NCOA2: variants seen among roughly 807,000 people sequenced by gnomAD.
NCOA2 encodes the protein nuclear receptor coactivator 2.
A neutral mutation model predicts 145.1 loss-of-function variants in NCOA2; 21 were observed. That is an observed-to-expected ratio of 0.14 (90% CI 0.10 to 0.21). NCOA2 has a LOEUF of 0.21. Ranked by LOEUF, NCOA2 falls within the 10% of genes least tolerant of loss-of-function variation. NCOA2 has a pLI of 1.00. For synonymous variants in NCOA2, 619 were observed against 637.5 expected (o/e 0.97, Z 0.44); for missense variants, 1,472 against 1,837.6 (o/e 0.80, Z 3.64).
intron 1 of NCOA2, among the ~76,000 whole-genome samples, chr8:70,356,694 C>T (rs1452128717): frequency 6.6e-6 from 1 of 152,224 alleles, no homozygotes; most frequent in Non-Finnish European, 1.5e-5. Flanking sequence ...GCTACCCAGA[C>T]TGATGACGTA....
chr8:70,207,122 C>A (rs1053756260), intron 4 of NCOA2, among the ~76,000 whole-genome samples: 2 of 152,106 alleles, frequency 1.3e-5, no homozygotes, highest in Non-Finnish European at 2.9e-5. Context: ...ATAGTATATA[C>A]TCAATACAAA....
chr8:70,169,085 T>C (rs1716476759), intron 6 of NCOA2, among the ~76,000 whole-genome samples: 1 of 152,212 alleles, frequency 6.6e-6, no homozygotes, highest in Non-Finnish European at 1.5e-5. Context: ...AACTCAGGAT[T>C]TGACCTTATT....
the NCOA2 span, among the ~76,000 whole-genome samples, chr8:70,448,681 A>T: frequency 6.6e-6 from 1 of 152,200 alleles, no homozygotes; most frequent in East Asian, 1.9e-4. Flanking sequence ...TGTAGAAAAA[A>T]ATGTTAAAAT....
chr8:70,423,608 C>T, the NCOA2 span, among the ~76,000 whole-genome samples: 3 of 152,198 alleles, frequency 2.0e-5, no homozygotes, highest in South Asian at 2.1e-4. Flanking sequence ...TTGGAGGTCT[C>T]GCCCTAATGA....
chr8:70,356,092 A>T (rs953309781), intron 1 of NCOA2, among the ~76,000 whole-genome samples: 1 of 152,160 alleles, frequency 6.6e-6, no homozygotes, highest in Admixed American at 6.5e-5. Flanking sequence ...TTATAATAAT[A>T]ATTTTTACCT....
chr8:70,424,695 C>T, the NCOA2 span: 1 of 251,642 alleles, frequency 4.0e-6, no homozygotes, highest in South Asian at 4.2e-5. Context: ...CCTAACTACT[C>T]AATTCTGTCT....
At chr8:70,222,865 C>G (rs974148892) in intron 2 of NCOA2, among the ~76,000 whole-genome samples, 4 of 152,198 alleles carry the variant, frequency 2.6e-5, no homozygotes, top group African/African-American at 9.7e-5. Flanking sequence ...TCTAAACTAT[C>G]ATTACCAACA....
intron 1 of NCOA2, among the ~76,000 whole-genome samples, chr8:70,344,715 G>A (rs1313729384): frequency 6.6e-6 from 1 of 152,150 alleles, no homozygotes; most frequent in African/African-American, 2.4e-5. Context: ...TCCATGAGCA[G>A]GAGAGAGAGT....
At chr8:70,238,992 G>A (rs2134398157) in intron 2 of NCOA2, among the ~76,000 whole-genome samples, 1 of 152,254 alleles carries the variant, frequency 6.6e-6, no homozygotes, top group Non-Finnish European at 1.5e-5. Context: ...TAGTTGGGTT[G>A]ATTTCTCTTA....
chr8:70,173,765 GC>G (rs941017937), intron 5 of NCOA2, among the ~76,000 whole-genome samples: 3 of 151,842 alleles, frequency 2.0e-5, no homozygotes, highest in African/African-American at 4.8e-5. Context: ...TTTATTGTGT[GC>G]CCCCCCTCCG....
At chr8:70,321,531 A>G (rs1035591085) in intron 1 of NCOA2, among the ~76,000 whole-genome samples, 3 of 152,126 alleles carry the variant, frequency 2.0e-5, no homozygotes, top group African/African-American at 7.2e-5. Context: ...TTACAAAATT[A>G]AAATTTTTGA....
chr8:70,225,180 G>GA (rs902993638), intron 2 of NCOA2, among the ~76,000 whole-genome samples: 38 of 152,164 alleles, frequency 2.5e-4, no homozygotes, highest in African/African-American at 7.7e-4. Flanking sequence ...ATTCTAACAG[G>GA]AAAGTAGGGA....
rs1806679763 is a variant in NCOA2 at position 70,113,018 on chromosome 8, T to C, written c.*614A>G. On this transcript the variant is annotated 3_prime_UTR_variant, in exon 23 of 23. Coordinates refer to ENST00000452400, the MANE Select transcript of NCOA2 (RefSeq NM_006540.4). Reference sequence around the variant, plus strand: ...CAGTAACTGGAGACTCTTTCCAACATGGTCTTTAGAGCTTTCTAGAGATAC... The same window carrying C: ...CAGTAACTGGAGACTCTTTCCAACACGGTCTTTAGAGCTTTCTAGAGATAC... 1.0e-5 allele frequency: 2 copies of C among 200,618 alleles called. No individual in the cohort carries two copies. The highest frequency in any genetic ancestry group is 7.7e-5 in the East Asian group (1 of 13,040). The allele number at this position is 200,618 out of a possible 1,614,324, so 12.4% of individuals were successfully genotyped here.
At chr8:70,255,716 T>C (rs1823581412) in intron 2 of NCOA2, among the ~76,000 whole-genome samples, 1 of 152,146 alleles carries the variant, frequency 6.6e-6, no homozygotes, top group South Asian at 2.1e-4. Context: ...CTCTCAATTC[T>C]CCTCAACACA....
chr8:70,223,741 C>T (rs181850235), intron 2 of NCOA2, among the ~76,000 whole-genome samples: 30 of 152,170 alleles, frequency 2.0e-4, no homozygotes, highest in Non-Finnish European at 3.5e-4. Flanking sequence ...TTGAGGTACA[C>T]GAGAAATAAA....
At chr8:70,143,950 C>T (rs1340303526) in intron 13 of NCOA2, among the ~76,000 whole-genome samples, 1 of 152,230 alleles carries the variant, frequency 6.6e-6, no homozygotes, top group African/African-American at 2.4e-5. Context: ...GTGGTGGCAA[C>T]AGCAATCGGT....
intron 2 of NCOA2, among the ~76,000 whole-genome samples, chr8:70,250,233 A>G (rs1383927610): frequency 6.6e-6 from 1 of 151,640 alleles, no homozygotes. Flanking sequence ...TCTACAAAAA[A>G]ATACAAAAAT....
chr8:70,171,741 C>T (rs1258484027), intron 5 of NCOA2, among the ~76,000 whole-genome samples: 1 of 152,244 alleles, frequency 6.6e-6, no homozygotes, highest in Non-Finnish European at 1.5e-5. Flanking sequence ...TAGCTCACTG[C>T]AGCCTTGAAC....
intron 10 of NCOA2, among the ~76,000 whole-genome samples, chr8:70,158,860 T>C (rs80149841): frequency 0.086 from 13,145 of 152,174 alleles, 635 homozygotes; most frequent in Admixed American, 0.12. Context: ...CCTGCATTTG[T>C]TGCTACTGGG....
Sources: gnomAD v4.1 joint callset for allele counts (sites outside exome capture counted in the v4.1 genomes callset) on GRCh38, gnomAD v4.1.1 for gene constraint, MANE v1.5 for transcripts, NCBI Gene and HGNC (gene_info 2026-07-23, HGNC 2026-07-21) for gene names.